MEMO1: variants seen among roughly 807,000 people sequenced by gnomAD.
The protein encoded by MEMO1 is mediator of cell motility 1.
In MEMO1, 6 loss-of-function variants were observed where a neutral mutation model predicts 45.2. The ratio of observed to expected loss-of-function variants is 0.13; its 90% CI spans 0.07 to 0.26. The LOEUF (loss-of-function observed/expected upper bound fraction) is 0.26, where lower values mean the gene tolerates loss of function less well. Ranked by LOEUF, MEMO1 falls within the 10% of genes least tolerant of loss-of-function variation. The pLI is 1.00. For synonymous variants in MEMO1, 78 were observed against 124.3 expected, an observed-to-expected ratio of 0.63 and a Z score of 2.48; for missense variants, 184 against 370.5, an observed-to-expected ratio of 0.50 and a Z score of 4.13.
At chr2:31,999,527 A>C (rs1673011609) in intron 2 of MEMO1, among the ~76,000 whole-genome samples, 1 of 152,048 alleles carries the variant, frequency 6.6e-6, no homozygotes, top group South Asian at 2.1e-4. Flanking sequence ...AAAATTTGCC[A>C]GGCACGCTGG....
At chr2:31,964,810 G>A (rs1668421316) in intron 2 of MEMO1, among the ~76,000 whole-genome samples, 1 of 152,120 alleles carries the variant, frequency 6.6e-6, no homozygotes, top group African/African-American at 2.4e-5. Context: ...TAGTATTGTG[G>A]TTATGTTTTA....
At chr2:31,869,060 G>C (rs182638291) in intron 9 of MEMO1, among the ~76,000 whole-genome samples, 51 of 152,140 alleles carry the variant, frequency 3.4e-4, no homozygotes, top group African/African-American at 1.1e-3. Flanking sequence ...GCTTTTCTTT[G>C]AGTCAATCAA....
intron 8 of MEMO1, among the ~76,000 whole-genome samples, chr2:31,875,114 TG>T (rs1010495752): frequency 6.6e-6 from 1 of 151,880 alleles, no homozygotes; most frequent in African/African-American, 2.4e-5. Context: ...TCTCAACAAA[TG>T]GACCACAGAA....
intron 2 of MEMO1, among the ~76,000 whole-genome samples, chr2:31,998,441 T>C (rs997007670): frequency 1.6e-4 from 24 of 152,182 alleles, no homozygotes; most frequent in African/African-American, 5.8e-4. Context: ...TAAGGCTTGG[T>C]CACTGAACCT....
At position 31,940,979 on chromosome 2, in the gene MEMO1, T is replaced by C. The variant is rs113016569; in HGVS notation, c.143+2323A>G. ...CTTTTCTATAATTATAATTGTAAAA[T>C]AAGCCTCCTAAACTGGACTCCCTGT... On this transcript the variant is annotated intron_variant, in intron 3 of 9. Transcript: ENST00000404530. Among the ~76,000 whole-genome samples the C allele has an allele frequency of 7.4e-3, 1,127 of 152,324 alleles. 18 individuals are homozygous for C. The highest frequency in any genetic ancestry group is 0.026 in the African/African-American group (1,090 of 41,578).
intron 3 of MEMO1, among the ~76,000 whole-genome samples, chr2:31,938,110 C>T (rs915996883): frequency 6.6e-6 from 1 of 152,142 alleles, no homozygotes; most frequent in Admixed American, 6.5e-5. Context: ...ATCCTCCAAA[C>T]GTGCCTGCCT....
At chr2:31,900,525 C>A (rs1678623847) in intron 6 of MEMO1, among the ~76,000 whole-genome samples, 1 of 151,316 alleles carries the variant, frequency 6.6e-6, no homozygotes, top group African/African-American at 2.4e-5. Context: ...ACACCGGGGC[C>A]TGTTGGGGAG....
intron 6 of MEMO1, among the ~76,000 whole-genome samples, chr2:31,900,501 G>A (rs949752222): frequency 6.6e-6 from 1 of 151,988 alleles, no homozygotes; most frequent in Admixed American, 6.6e-5. Context: ...TGGACACAGG[G>A]AGGGAAACAT....
At chr2:31,957,666 G>C (rs1397283752) in intron 2 of MEMO1, among the ~76,000 whole-genome samples, 1 of 152,184 alleles carries the variant, frequency 6.6e-6, no homozygotes, top group African/African-American at 2.4e-5. Flanking sequence ...GAACCATCTA[G>C]AGAACAGTCA....
chr2:31,977,503 T>C (rs1670140201), intron 2 of MEMO1, among the ~76,000 whole-genome samples: 1 of 152,150 alleles, frequency 6.6e-6, no homozygotes, highest in East Asian at 1.9e-4. Context: ...AATTAATTTA[T>C]TTACTTATTT....
chr2:31,878,621 AGCACGTGCTTCT>A (rs1674913212), intron 8 of MEMO1, among the ~76,000 whole-genome samples: 2 of 152,260 alleles, frequency 1.3e-5, no homozygotes, highest in South Asian at 4.1e-4. Context: ...ACGGTGTTTG[AGCACGTGCTTCT>A]GGCAGGAGTT....
chr2:31,998,967 T>C (rs1356822476), intron 2 of MEMO1, among the ~76,000 whole-genome samples: 2 of 152,166 alleles, frequency 1.3e-5, no homozygotes, highest in African/African-American at 4.8e-5. Flanking sequence ...CCCGCCAAAC[T>C]TGTTCCTCTT....
chr2:31,885,637 T>C (rs1310446745), intron 7 of MEMO1, among the ~76,000 whole-genome samples: 3 of 152,198 alleles, frequency 2.0e-5, no homozygotes, highest in African/African-American at 7.2e-5. Context: ...AACAATATTC[T>C]TGGAGGAAAT....
At chr2:31,937,861 C>T (rs997498448) in intron 3 of MEMO1, among the ~76,000 whole-genome samples, 1 of 152,106 alleles carries the variant, frequency 6.6e-6, no homozygotes, top group Non-Finnish European at 1.5e-5. Context: ...GTTTCTTAAG[C>T]GATGCATATC....
At chr2:31,870,101 C>A in intron 8 of MEMO1, 149 bp from the exon 9 acceptor site, 1 of 634,854 alleles carries the variant, frequency 1.6e-6, no homozygotes, top group Non-Finnish European at 2.4e-6. Flanking sequence ...CCTTGTGAAA[C>A]ATCAAACTCA....
At chr2:31,882,439 T>C (rs527290922) in intron 8 of MEMO1, among the ~76,000 whole-genome samples, 3 of 152,286 alleles carry the variant, frequency 2.0e-5, no homozygotes, top group South Asian at 4.1e-4. Flanking sequence ...TACAGAAATA[T>C]ATCAATGATG....
intron 8 of MEMO1, among the ~76,000 whole-genome samples, chr2:31,882,585 T>C (rs1045633903): frequency 6.6e-6 from 1 of 152,014 alleles, no homozygotes; most frequent in African/African-American, 2.4e-5. Flanking sequence ...AAGGAAATAA[T>C]AAAAATAAAT....
chr2:31,876,534 G>GT (rs1271758164), intron 8 of MEMO1, among the ~76,000 whole-genome samples: 1 of 152,090 alleles, frequency 6.6e-6, no homozygotes, highest in African/African-American at 2.4e-5. Context: ...GCTTACTGCT[G>GT]TATCTCCACC....
intron 2 of MEMO1, among the ~76,000 whole-genome samples, chr2:31,959,002 G>C (rs1018886407): frequency 6.6e-6 from 1 of 152,138 alleles, no homozygotes; most frequent in Non-Finnish European, 1.5e-5. Context: ...ATAAATTGAA[G>C]GGGGATAAGA....
Sources: allele counts gnomAD v4.1 joint callset (sites outside exome capture counted in the v4.1 genomes callset), GRCh38; gene constraint gnomAD v4.1.1; transcripts MANE v1.5; gene names NCBI Gene and HGNC (gene_info 2026-07-23, HGNC 2026-07-21).